Variants in GSE1 observed in about 807,000 individuals in gnomAD.
GSE1 encodes Gse1 coiled-coil protein.
Under a neutral mutation model 112.6 loss-of-function variants are expected in GSE1, and 32 were observed. The ratio of observed to expected loss-of-function variants is 0.28; its 90% confidence interval spans 0.21 to 0.38. The LOEUF is 0.38. Ranked by LOEUF, GSE1 falls within the 10% of genes least tolerant of loss-of-function variation. The pLI is 1.00. For synonymous variants in GSE1, 1,115 were observed against 735.6 expected, an observed-to-expected ratio of 1.52 and a Z score of -8.35; for missense variants, 2,348 against 1,699.2, an observed-to-expected ratio of 1.38 and a Z score of -6.71.
intron 2 of GSE1, among the ~76,000 whole-genome samples, chr16:85,438,864 G>A (rs574005666): frequency 2.6e-5 from 4 of 152,296 alleles, no homozygotes; most frequent in South Asian, 2.1e-4. Flanking sequence ...TGCAGCTCCC[G>A]TACTGACCAC....
intron 2 of GSE1, among the ~76,000 whole-genome samples, chr16:85,444,285 G>T (rs2049453978): frequency 6.6e-6 from 1 of 152,168 alleles, no homozygotes; most frequent in Non-Finnish European, 1.5e-5. Flanking sequence ...TGCCCGGTCA[G>T]GGGGGTGCTT....
At chr16:85,423,016 C>A (rs570820598) in intron 2 of GSE1, among the ~76,000 whole-genome samples, 1 of 152,190 alleles carries the variant, frequency 6.6e-6, no homozygotes, top group Admixed American at 6.5e-5. Flanking sequence ...TACTCCCAGC[C>A]CCTGGTCCAC....
chr16:85,668,955 C>T (rs139343700), intron 14 of GSE1, among the ~76,000 whole-genome samples: 3 of 152,392 alleles, frequency 2.0e-5, no homozygotes, highest in African/African-American at 7.2e-5. Flanking sequence ...GGCTTGCCGC[C>T]TCTCAGAATA....
At chr16:85,647,288 C>T (rs1020455344) in intron 2 of GSE1, among the ~76,000 whole-genome samples, 1 of 152,208 alleles carries the variant, frequency 6.6e-6, no homozygotes, top group Admixed American at 6.5e-5. Flanking sequence ...GGGCTGCAGC[C>T]ACCCATTCTC....
At chr16:85,331,699 ATATATATATT>A (rs1567693494) in intron 1 of GSE1, among the ~76,000 whole-genome samples, 2 of 59,328 alleles carry the variant, frequency 3.4e-5, no homozygotes, top group African/African-American at 5.8e-5. Context: ...ATATATATAT[ATATATATATT>A]TTTTTTTTTT....
chr16:85,621,719 G>A (rs1239124945), intron 1 of GSE1, among the ~76,000 whole-genome samples: 1 of 152,224 alleles, frequency 6.6e-6, no homozygotes, highest in South Asian at 2.1e-4. Flanking sequence ...GCCACGGCTG[G>A]CAGAGTGGAC....
chr16:85,198,631 CCCTGGATGCCACGGTTCTTT>C (rs368954860), intron 1 of GSE1, among the ~76,000 whole-genome samples: 4,962 of 152,132 alleles, frequency 0.033, 255 homozygotes, highest in African/African-American at 0.11. Flanking sequence ...GCCCACTCAG[CCCTGGATGCCACGGTTCTTT>C]CTGCTGAGAC....
chr16:85,501,158 G>A (rs531699863), intron 2 of GSE1, among the ~76,000 whole-genome samples: 4 of 151,408 alleles, frequency 2.6e-5, no homozygotes, highest in African/African-American at 9.7e-5. Context: ...CCCCCACCAC[G>A]CCCAGCTAAT....
Position 85,675,449 on chromosome 16 carries a change from G to A in GSE1, c.*2910G>A, listed in dbSNP as rs1227172888. On this transcript the variant is annotated 3_prime_UTR_variant, in exon 16 of 16. Coordinates refer to ENST00000253458, the MANE Select transcript of GSE1 (RefSeq NM_014615.5). ...GTTGTCTCAGATAAGTGACCAAGAC[G>A]GGACTTTCCACATTTTAGTCTACAT... is the stretch of plus-strand genomic sequence containing the variant. The A allele has an allele frequency of 1.3e-5, 2 of 152,156 alleles. No homozygotes were observed. Among genetic ancestry groups the A allele is most frequent in the South Asian group, 2.1e-4 (1 of 4,830 alleles). 9.4% of individuals were successfully genotyped at this position (152,156 alleles called of 1,614,324 possible). A position where few individuals can be genotyped will look rare whatever the true frequency, so the allele number is the denominator to read the frequency against.
chr16:85,598,635 CCTT>C lies in GSE1; in HGVS notation c.37+42275_37+42277del, dbSNP rs137861987. Among the ~76,000 whole-genome samples the C allele has an allele frequency of 5.7e-3, 863 of 152,362 alleles. 12 individuals carry two copies. Among genetic ancestry groups the C allele is most frequent in the African/African-American group, 0.02 (827 of 41,580 alleles). On this transcript the variant is annotated intron_variant, in intron 1 of 2. Coordinates refer to the GSE1 transcript ENST00000635906. ...ATTGCAGCAAAGGCAAGGGAAGACG[CCTT>C]CTGGGCAGGCAGGCCAAGAGGGGCT... is the stretch of plus-strand genomic sequence containing the variant.
intron 2 of GSE1, among the ~76,000 whole-genome samples, chr16:85,508,160 A>T (rs1461214431): frequency 6.6e-6 from 1 of 152,058 alleles, no homozygotes; most frequent in Non-Finnish European, 1.5e-5. Flanking sequence ...CAGCCTCCCG[A>T]GTAGCTGGGA....
chr16:85,191,455 T>C (rs543178885), intron 1 of GSE1, among the ~76,000 whole-genome samples: 9 of 152,332 alleles, frequency 5.9e-5, no homozygotes, highest in Admixed American at 1.3e-4. Flanking sequence ...ACATTAGCTT[T>C]CATTTTTATG....
At chr16:85,348,240 A>G (rs1391551260) in intron 1 of GSE1, among the ~76,000 whole-genome samples, 1 of 151,564 alleles carries the variant, frequency 6.6e-6, no homozygotes, top group Non-Finnish European at 1.5e-5. Flanking sequence ...CCTGTCCATC[A>G]TCCATCCATC....
rs1275274684 is a variant in GSE1, at chr16:85,515,540, T to TCTTAGCC, written c.2465-118373_2465-118367dup. ...CTCAGAAAGAAGGGCCAGAGGCTGGTCTTAGCCTGGCCTGTGTCCTCTGAG... is the reference window on the plus strand; with the variant it reads ...CTCAGAAAGAAGGGCCAGAGGCTGGTCTTAGCCCTTAGCCTGGCCTGTGTCCTCTGAG... On this transcript the variant is annotated intron_variant, in intron 2 of 2. Transcript: ENST00000637419. 5.9e-5 allele frequency among the ~76,000 whole-genome samples: 9 copies of TCTTAGCC among 151,848 alleles called. No homozygotes were observed. The East Asian group carries it at 1.8e-3, about 30-fold the overall frequency.
intron 2 of GSE1, among the ~76,000 whole-genome samples, chr16:85,425,602 A>G (rs1249308129): frequency 6.6e-6 from 1 of 152,186 alleles, no homozygotes; most frequent in Non-Finnish European, 1.5e-5. Flanking sequence ...GGCGCAGTAA[A>G]GGATGTTGTC....
upstream of GSE1, among the ~76,000 whole-genome samples, chr16:85,553,246 G>A (rs1214202568): frequency 6.7e-6 from 1 of 149,026 alleles, no homozygotes; most frequent in Non-Finnish European, 1.5e-5. Context: ...CGGGGTGGGG[G>A]CAGGGAGGGC....
chr16:85,375,824 T>G (rs1394072678), intron 2 of GSE1, among the ~76,000 whole-genome samples: 1 of 152,128 alleles, frequency 6.6e-6, no homozygotes, highest in Admixed American at 6.5e-5. Flanking sequence ...CTTCACCAAG[T>G]GAGATACTGG....
chr16:85,504,622 G>A (rs1039817142), intron 2 of GSE1, among the ~76,000 whole-genome samples: 4 of 152,198 alleles, frequency 2.6e-5, no homozygotes, highest in Non-Finnish European at 2.9e-5. Context: ...AGAGATGAAA[G>A]AAAACAATTT....
chr16:85,491,799 C>T (rs1270431855), intron 2 of GSE1, among the ~76,000 whole-genome samples: 1 of 152,176 alleles, frequency 6.6e-6, no homozygotes, highest in South Asian at 2.1e-4. Flanking sequence ...TGACACTGGG[C>T]CTGGCTGGAT....
Sources: gnomAD v4.1 joint callset for allele counts (sites outside exome capture counted in the v4.1 genomes callset) on GRCh38, gnomAD v4.1.1 for gene constraint, MANE v1.5 for transcripts, NCBI Gene and HGNC (gene_info 2026-07-23, HGNC 2026-07-21) for gene names.